CYP4Z1: variants seen among roughly 807,000 people sequenced by gnomAD.
CYP4Z1 encodes the protein cytochrome P450 family 4 subfamily Z member 1, also known as cytochrome P450 4Z1.
In CYP4Z1, 41 loss-of-function variants were observed where a neutral mutation model predicts 54.2. The ratio of observed to expected loss-of-function variants is 0.76; its 90% confidence interval spans 0.59 to 0.98. CYP4Z1 has a LOEUF of 0.98. Ranked by LOEUF, CYP4Z1 falls within the 50% of genes least tolerant of loss-of-function variation. The pLI is 0.00. For synonymous variants in CYP4Z1, 163 were observed against 206.2 expected, an observed-to-expected ratio of 0.79 and a Z score of 1.79; for missense variants, 513 against 599.0, an observed-to-expected ratio of 0.86 and a Z score of 1.50.
intron 8 of CYP4Z1, among the ~76,000 whole-genome samples, chr1:47,103,602 T>C (rs1644736422): frequency 2.0e-5 from 3 of 148,588 alleles, no homozygotes; most frequent in Non-Finnish European, 4.5e-5. Context: ...TTTCTTTTTT[T>C]TTTTTTTTTT....
At chr1:47,101,613 A>G (rs1644722025) in intron 8 of CYP4Z1, among the ~76,000 whole-genome samples, 1 of 152,146 alleles carries the variant, frequency 6.6e-6, no homozygotes, top group African/African-American at 2.4e-5. Context: ...CTAAGAAGAC[A>G]ATTCATATGA....
chr1:47,086,632 C>T (rs1303428914), intron 6 of CYP4Z1, among the ~76,000 whole-genome samples: 2 of 152,054 alleles, frequency 1.3e-5, no homozygotes, highest in Non-Finnish European at 2.9e-5. Context: ...AATTTTCTCC[C>T]ATCTGTAGGC....
chr1:47,060,451 C>A, the CYP4Z1 span, among the ~76,000 whole-genome samples: 1 of 124,066 alleles, frequency 8.1e-6, no homozygotes, highest in Non-Finnish European at 1.6e-5. Context: ...TAACAAAGAT[C>A]AAAAAAGATA....
upstream of CYP4Z1, among the ~76,000 whole-genome samples, chr1:47,066,051 CAAAA>C (rs961245657): frequency 1.3e-5 from 2 of 149,730 alleles, no homozygotes; most frequent in Admixed American, 6.6e-5. Flanking sequence ...TTAATACCAA[CAAAA>C]AAAAAGTCCA....
intron 9 of CYP4Z1, among the ~76,000 whole-genome samples, chr1:47,107,037 C>T (rs1179546334): frequency 6.6e-6 from 1 of 152,162 alleles, no homozygotes; most frequent in Non-Finnish European, 1.5e-5. Flanking sequence ...TTAATTGCTA[C>T]TGTGCTACCA....
chr1:47,100,010 T>A (rs1239392604), intron 8 of CYP4Z1, among the ~76,000 whole-genome samples: 1 of 151,918 alleles, frequency 6.6e-6, no homozygotes, highest in Non-Finnish European at 1.5e-5. Context: ...GATGTAAATG[T>A]TTTCCTGACT....
At chr1:47,104,146 T>C (rs1185030000) in intron 8 of CYP4Z1, among the ~76,000 whole-genome samples, 4 of 152,216 alleles carry the variant, frequency 2.6e-5, no homozygotes, top group Admixed American at 1.3e-4. Flanking sequence ...ATAGTGTTCA[T>C]TGGGTAGGAT....
At chr1:47,077,605 G>C (rs1363781271) in intron 2 of CYP4Z1, among the ~76,000 whole-genome samples, 1 of 151,484 alleles carries the variant, frequency 6.6e-6, no homozygotes, top group Non-Finnish European at 1.5e-5. Context: ...ACATTTCACT[G>C]TTTGTTTTTT....
chr1:47,108,062 A>G (rs1001759976), intron 9 of CYP4Z1, among the ~76,000 whole-genome samples: 1 of 152,206 alleles, frequency 6.6e-6, no homozygotes, highest in Non-Finnish European at 1.5e-5. Flanking sequence ...TCAAGCTACA[A>G]TGAAGGGACA....
chr1:47,062,780 T>G (rs1438955579), upstream of CYP4Z1, among the ~76,000 whole-genome samples: 2 of 151,584 alleles, frequency 1.3e-5, no homozygotes, highest in South Asian at 4.2e-4. Flanking sequence ...AAGACGAAGG[T>G]CATAATCACT....
Position 47,082,526 on chromosome 1 carries a change from G to A in CYP4Z1, c.492+65G>A, listed in dbSNP as rs150126529. 2,316 of 1,558,562 alleles carry A rather than the reference G, an allele frequency of 1.5e-3. 19 individuals are homozygous for A. The Admixed American group carries it at 0.035, about 24-fold the overall frequency. On this transcript the variant is annotated intron_variant, in intron 4 of 11. Transcript: ENST00000334194. The stretch of plus-strand genomic sequence containing the variant: ...TGAGGTGCTGCCAGCCATATGGTGT[G>A]GGAGACTCTGAGTTCCCTCAGAACC...
chr1:47,101,811 A>C (rs1318104430), intron 8 of CYP4Z1, among the ~76,000 whole-genome samples: 3 of 152,060 alleles, frequency 2.0e-5, no homozygotes, highest in African/African-American at 7.2e-5. Flanking sequence ...TAAATTAATA[A>C]ATTTATAAAG....
At chr1:47,085,850 C>G (rs1225048720) in intron 6 of CYP4Z1, among the ~76,000 whole-genome samples, 1 of 121,054 alleles carries the variant, frequency 8.3e-6, no homozygotes, top group Admixed American at 8.9e-5. Context: ...CCCCTCCCCC[C>G]ACCCCACAAC....
In CYP4Z1 at chr1:47,067,645, A is replaced by G. The variant is rs761013597; in HGVS notation, c.155A>G (p.His52Arg). ...CACCTGTTTCCTGCACCCCCTGCCC[A>G]CTGGTTCTATGGCCACAAGGAGGTA... ...ALHLFPAPPA[H>R]WFYGHKEFYP... The change falls in exon 1 of 12, where the codon CAC (histidine) becomes CGC (arginine). Residue 52 changes from histidine to arginine, a missense_variant. Coordinates refer to ENST00000334194, the MANE Select transcript of CYP4Z1 (RefSeq NM_178134.3). 1.6e-5 allele frequency: 25 copies of G among 1,609,304 alleles called. No individual in the cohort carries two copies. The highest frequency in any genetic ancestry group is 4.0e-5 in the African/African-American group (3 of 74,730).
chr1:47,096,275 A>G (rs1644676103), intron 7 of CYP4Z1, among the ~76,000 whole-genome samples: 1 of 152,164 alleles, frequency 6.6e-6, no homozygotes, highest in Non-Finnish European at 1.5e-5. Flanking sequence ...AAAATTATCC[A>G]GGTGTGGCAG....
intron 6 of CYP4Z1, among the ~76,000 whole-genome samples, chr1:47,089,055 T>A (rs1223475496): frequency 1.3e-5 from 2 of 149,878 alleles, no homozygotes; most frequent in Non-Finnish European, 2.9e-5. Context: ...CAACATGCCG[T>A]GTAACTATTT....
At chr1:47,108,351 T>A (rs1386636761) in intron 9 of CYP4Z1, among the ~76,000 whole-genome samples, 1 of 152,218 alleles carries the variant, frequency 6.6e-6, no homozygotes. Context: ...CTGTCACTCA[T>A]CAGTAATTCA....
At chr1:47,100,699 A>G (rs1644714986) in intron 8 of CYP4Z1, among the ~76,000 whole-genome samples, 1 of 152,190 alleles carries the variant, frequency 6.6e-6, no homozygotes, top group Non-Finnish European at 1.5e-5. Context: ...ATTGTTATTA[A>G]TCTCTTACTG....
intron 6 of CYP4Z1, among the ~76,000 whole-genome samples, chr1:47,093,712 C>T (rs1359532695): frequency 6.6e-6 from 1 of 152,172 alleles, no homozygotes; most frequent in Non-Finnish European, 1.5e-5. Context: ...TAAAATTTGG[C>T]TATGGAAGAC....
Sources: gnomAD v4.1 joint callset for allele counts (sites outside exome capture counted in the v4.1 genomes callset) on GRCh38, gnomAD v4.1.1 for gene constraint, MANE v1.5 for transcripts, NCBI Gene and HGNC (gene_info 2026-07-23, HGNC 2026-07-21) for gene names.